The following KCNIP1 variants were observed in gnomAD, a reference collection of about 807,000 sequenced individuals.
The protein encoded by KCNIP1 is potassium voltage-gated channel interacting protein 1.
A neutral mutation model predicts 33.0 loss-of-function variants in KCNIP1; 18 were observed. That is an observed-to-expected ratio of 0.55 (90% CI 0.38 to 0.81). The LOEUF is 0.81. Among genes scored for constraint, KCNIP1 ranks in the 30% least tolerant of loss-of-function variants. The pLI, the probability that KCNIP1 is intolerant of heterozygous loss-of-function variation, is 0.00. For missense variants in KCNIP1, 238 were observed against 271.6 expected, an observed-to-expected ratio of 0.88 and a Z score of 0.87; for synonymous variants, 93 against 98.3, an observed-to-expected ratio of 0.95 and a Z score of 0.32.
intron 5 of KCNIP1, among the ~76,000 whole-genome samples, chr5:170,731,841 C>A (rs1210849136): frequency 2.1e-4 from 4 of 19,480 alleles, no homozygotes; most frequent in Non-Finnish European, 4.4e-4. Flanking sequence ...CCACTGCACT[C>A]CAGCCTGGGC....
chr5:170,592,471 T>C (rs184585803), intron 1 of KCNIP1, among the ~76,000 whole-genome samples: 1 of 152,354 alleles, frequency 6.6e-6, no homozygotes, highest in Non-Finnish European at 1.5e-5. Context: ...TTTTTCTCTT[T>C]CCAAACCTAA....
chr5:170,481,877 G>C (rs879189176), intron 1 of KCNIP1, among the ~76,000 whole-genome samples: 1 of 152,212 alleles, frequency 6.6e-6, no homozygotes, highest in Admixed American at 6.5e-5. Context: ...GTTTTTCCCT[G>C]AGTGGTCTGT....
At chr5:170,700,972 C>T (rs1763077462) in intron 1 of KCNIP1, among the ~76,000 whole-genome samples, 1 of 152,184 alleles carries the variant, frequency 6.6e-6, no homozygotes, top group Non-Finnish European at 1.5e-5. Flanking sequence ...AACAACAAAA[C>T]ACTGGTTGCA....
intron 1 of KCNIP1, among the ~76,000 whole-genome samples, chr5:170,386,628 G>A (rs1424234372): frequency 6.6e-6 from 1 of 151,944 alleles, no homozygotes; most frequent in Non-Finnish European, 1.5e-5. Context: ...AGGAGAGGAG[G>A]GCCCCAGAAG....
At chr5:170,507,780 A>G (rs1457199764) in intron 1 of KCNIP1, among the ~76,000 whole-genome samples, 1 of 152,246 alleles carries the variant, frequency 6.6e-6, no homozygotes. Flanking sequence ...TCTAAAGGCA[A>G]CAGAAATCTA....
intron 1 of KCNIP1, among the ~76,000 whole-genome samples, chr5:170,598,751 A>G (rs1033296866): frequency 2.0e-5 from 3 of 152,124 alleles, no homozygotes; most frequent in Non-Finnish European, 4.4e-5. Flanking sequence ...CCTGCTCTGC[A>G]AGGGACCAGT....
At chr5:170,451,722 A>AG (rs746454413) in intron 1 of KCNIP1, among the ~76,000 whole-genome samples, 2,758 of 77,270 alleles carry the variant, frequency 0.036, 62 homozygotes, top group African/African-American at 0.11. Context: ...CTTCTCCTGC[A>AG]TTGTGTGTGT....
intron 5 of KCNIP1, among the ~76,000 whole-genome samples, chr5:170,728,295 G>T (rs1302377624): frequency 3.3e-5 from 5 of 152,200 alleles, no homozygotes; most frequent in Non-Finnish European, 7.3e-5. Context: ...GATGATGTCT[G>T]CACACTGTCA....
intron 1 of KCNIP1, among the ~76,000 whole-genome samples, chr5:170,563,032 A>C (rs1408941418): frequency 6.6e-6 from 1 of 152,134 alleles, no homozygotes; most frequent in Non-Finnish European, 1.5e-5. Flanking sequence ...CCACCCACAC[A>C]CAGATCTAGT....
intron 1 of KCNIP1, among the ~76,000 whole-genome samples, chr5:170,700,403 A>G (rs34664897): frequency 0.16 from 24,386 of 152,110 alleles, 2,338 homozygotes; most frequent in African/African-American, 0.27. Context: ...CCATCTCTAC[A>G]AAATAAAAAA....
intron 1 of KCNIP1, among the ~76,000 whole-genome samples, chr5:170,461,045 C>T (rs1756491061): frequency 1.3e-5 from 2 of 152,108 alleles, no homozygotes; most frequent in Admixed American, 6.5e-5. Flanking sequence ...AGAACTCAAC[C>T]TCTTTTACAA....
intron 1 of KCNIP1, among the ~76,000 whole-genome samples, chr5:170,606,548 G>A (rs1758927907): frequency 1.3e-5 from 2 of 152,154 alleles, no homozygotes; most frequent in African/African-American, 4.8e-5. Flanking sequence ...ACAGGAAGAT[G>A]AGAGGAGCCT....
At chr5:170,474,753 G>T (rs1175260557) in intron 1 of KCNIP1, among the ~76,000 whole-genome samples, 1 of 152,154 alleles carries the variant, frequency 6.6e-6, no homozygotes, top group East Asian at 1.9e-4. Flanking sequence ...TGTGTCCGTG[G>T]GTCTGTGGTC....
Position 170,689,603 on chromosome 5 carries a change from G to C in KCNIP1, c.62-29155G>C, listed in dbSNP as rs144400895. On this transcript the variant is annotated intron_variant, in intron 1 of 7. Coordinates refer to ENST00000328939, the MANE Select transcript of KCNIP1 (RefSeq NM_014592.4). ...GGAACCAGAGAAGGCTTCCAAAGAA[G>C]GCAGCATTTTAAATGGGTTTTGAAG... 2.0e-3 allele frequency among the ~76,000 whole-genome samples: 300 copies of C among 152,292 alleles called. 3 individuals carry two copies. The highest frequency in any genetic ancestry group is 6.8e-3 in the Middle Eastern group (2 of 294).
intron 1 of KCNIP1, among the ~76,000 whole-genome samples, chr5:170,420,900 C>T (rs1217493123): frequency 1.3e-5 from 2 of 152,184 alleles, no homozygotes; most frequent in African/African-American, 4.8e-5. Flanking sequence ...ATTACTCACA[C>T]TCTAAGGACT....
rs115137837 is a variant in KCNIP1 at position 170,609,354 on chromosome 5, G to A, written c.61+104721G>A. Among the ~76,000 whole-genome samples, 392 of 152,260 alleles carry A rather than the reference G, an allele frequency of 2.6e-3. 3 individuals are homozygous for A. The highest frequency in any genetic ancestry group is 8.9e-3 in the African/African-American group (371 of 41,530). On this transcript the variant is annotated intron_variant, in intron 1 of 7. Transcript: ENST00000328939. ...TAGGCACTTCACTGCATGAGTTATCGCAAGCAATCTTTCCAAAGGGATTAG... is the reference window on the plus strand; with the variant it reads ...TAGGCACTTCACTGCATGAGTTATCACAAGCAATCTTTCCAAAGGGATTAG...
intron 5 of KCNIP1, among the ~76,000 whole-genome samples, chr5:170,731,417 C>T (rs1373653651): frequency 6.6e-6 from 1 of 152,084 alleles, no homozygotes; most frequent in Non-Finnish European, 1.5e-5. Flanking sequence ...AACAAAGAAA[C>T]TCAGGCTGGG....
At chr5:170,670,020 C>T (rs1260515655) in intron 1 of KCNIP1, among the ~76,000 whole-genome samples, 1 of 152,136 alleles carries the variant, frequency 6.6e-6, no homozygotes, top group African/African-American at 2.4e-5. Context: ...GCCTGGGGAT[C>T]CAATTCAGCA....
intron 1 of KCNIP1, among the ~76,000 whole-genome samples, chr5:170,590,660 C>G (rs4374772): frequency 0.76 from 115,314 of 152,084 alleles, 44,429 homozygotes; most frequent in East Asian, 0.91. Flanking sequence ...TAACTCTGAC[C>G]ATTCCTGGGA....
Sources: allele counts gnomAD v4.1 joint callset (sites outside exome capture counted in the v4.1 genomes callset), GRCh38; gene constraint gnomAD v4.1.1; transcripts MANE v1.5; gene names NCBI Gene and HGNC (gene_info 2026-07-23, HGNC 2026-07-21).